Variants in THNSL1 observed in about 807,000 individuals in gnomAD.
THNSL1 encodes the protein threonine synthase-like 1.
Under a neutral mutation model 50.4 loss-of-function variants are expected in THNSL1, and 48 were observed. That is an observed-to-expected ratio of 0.95 (90% CI 0.76 to 1.21). The LOEUF is 1.21. Among genes scored for constraint, THNSL1 ranks in the 50% most tolerant of loss-of-function variants. THNSL1 has a pLI of 0.00. For missense variants in THNSL1, 896 were observed against 871.7 expected, an observed-to-expected ratio of 1.03 and a Z score of -0.35; for synonymous variants, 309 against 306.1, an observed-to-expected ratio of 1.01 and a Z score of -0.10.
In THNSL1 at chr10:25,025,259, TA is replaced by T; in HGVS notation, c.2039del (p.Lys680ArgfsTer30). 6.2e-7 allele frequency: 1 copy of T among 1,614,224 alleles called. No homozygotes were observed. Among genetic ancestry groups the T allele is most frequent in the Non-Finnish European group, 8.5e-7 (1 of 1,180,034 alleles). ...TTTGCACCTGCTATCATGCAGGCTT[TA>T]AAGATTAAAGAAATCAATGAGACTT... ...SKFAPAIMQA[L>X]KIKEINETSS... On this transcript the variant is annotated frameshift_variant, in exon 3 of 3. Transcript: ENST00000376356. LOFTEE classifies it high-confidence loss of function.
chr10:24,961,984 T>G, the THNSL1 span, among the ~76,000 whole-genome samples: 5 of 152,218 alleles, frequency 3.3e-5, no homozygotes, highest in Non-Finnish European at 5.9e-5. Context: ...AAATAATGTA[T>G]ACAGAGTGCT....
chr10:24,986,897 C>T, the THNSL1 span, among the ~76,000 whole-genome samples: 1 of 152,164 alleles, frequency 6.6e-6, no homozygotes, highest in Admixed American at 6.5e-5. Flanking sequence ...TAATTTTCCT[C>T]TCTTCTATTT....
At chr10:24,995,557 A>G in the THNSL1 span, 1 of 1,141,136 alleles carries the variant, frequency 8.8e-7, no homozygotes, top group Admixed American at 2.2e-5. Flanking sequence ...CAATGAGAGC[A>G]CTAATAATGA....
At chr10:24,993,096 C>G in the THNSL1 span, among the ~76,000 whole-genome samples, 2 of 152,050 alleles carry the variant, frequency 1.3e-5, no homozygotes, top group Admixed American at 6.6e-5. Flanking sequence ...AAGTTCAAGA[C>G]CAGCCTGGGC....
the THNSL1 span, among the ~76,000 whole-genome samples, chr10:24,986,628 T>A: frequency 6.6e-6 from 1 of 152,300 alleles, no homozygotes; most frequent in African/African-American, 2.4e-5. Context: ...TTGGGTGATG[T>A]TTCCATATTA....
the THNSL1 span, among the ~76,000 whole-genome samples, chr10:24,990,134 G>A: frequency 2.0e-5 from 3 of 151,762 alleles, no homozygotes; most frequent in Admixed American, 6.6e-5. Flanking sequence ...ACAAACTCAG[G>A]GGCATAAAAA....
At chr10:25,013,508 T>C (rs1235641534), upstream of THNSL1, among the ~76,000 whole-genome samples, 1 of 152,206 alleles carries the variant, frequency 6.6e-6, no homozygotes. Flanking sequence ...AAGCTTAGGC[T>C]GAATGGATGA....
chr10:24,987,808 C>A, the THNSL1 span, among the ~76,000 whole-genome samples: 1 of 152,098 alleles, frequency 6.6e-6, no homozygotes, highest in Non-Finnish European at 1.5e-5. Flanking sequence ...AAATGAAAAT[C>A]AAACTCTAAG....
chr10:25,016,108 C>G (rs1244558130), upstream of THNSL1: 1 of 1,283,266 alleles, frequency 7.8e-7, no homozygotes, highest in African/African-American at 1.5e-5. Context: ...AGTCCTCTCT[C>G]GGGAAGAAAA....
At chr10:24,958,242 T>A in the THNSL1 span, among the ~76,000 whole-genome samples, 1 of 152,072 alleles carries the variant, frequency 6.6e-6, no homozygotes, top group Non-Finnish European at 1.5e-5. Flanking sequence ...TCCATAAACA[T>A]CTGAAACTTA....
chr10:25,019,779 A>G (rs950871364), intron 1 of THNSL1, among the ~76,000 whole-genome samples: 1 of 152,222 alleles, frequency 6.6e-6, no homozygotes, highest in East Asian at 1.9e-4. Flanking sequence ...AAGAGTGTCA[A>G]GACCAAAAGC....
Position 25,023,237 on chromosome 10 carries a change from AC to A in THNSL1, c.16del (p.Arg6AspfsTer5). ...AGTGAAAAGAGAATGCTCCACTTTA[AC>A]CGATGTCATCATCTGAAAAAGATAA... is the stretch of plus-strand genomic sequence containing the variant. MLHF[N>X]RCHHLKKITQ... is the part of the protein sequence containing the mutation. On this transcript the variant is annotated frameshift_variant, in exon 3 of 3. Transcript: ENST00000376356. LOFTEE classifies it high-confidence loss of function. 6.2e-7 allele frequency: 1 copy of A among 1,611,532 alleles called. No individual in the cohort carries two copies. Among genetic ancestry groups the A allele is most frequent in the Non-Finnish European group, 8.5e-7 (1 of 1,178,310 alleles).
At chr10:25,016,033 T>C, upstream of THNSL1, 1 of 1,493,186 alleles carries the variant, frequency 6.7e-7, no homozygotes, top group South Asian at 1.4e-5. Context: ...CTTTCTTTCT[T>C]CTTCGCCTTC....
the THNSL1 span, among the ~76,000 whole-genome samples, chr10:24,962,136 T>G: frequency 6.6e-6 from 1 of 152,194 alleles, no homozygotes; most frequent in African/African-American, 2.4e-5. Context: ...CTACAATCTG[T>G]AAAAGCTTCA....
chr10:24,999,653 C>T, the THNSL1 span: 1,407 of 1,042,766 alleles, frequency 1.3e-3, 4 homozygotes, highest in Non-Finnish European at 1.8e-3. Context: ...AGTCTATATT[C>T]GTATGGAAAA....
upstream of THNSL1, among the ~76,000 whole-genome samples, chr10:25,015,665 C>T (rs1850550702): frequency 6.6e-6 from 1 of 152,118 alleles, no homozygotes; most frequent in Non-Finnish European, 1.5e-5. Context: ...GCCAGACTGC[C>T]CTCTCTGTAA....
upstream of THNSL1, among the ~76,000 whole-genome samples, chr10:25,012,731 T>C: frequency 6.6e-6 from 1 of 152,328 alleles, no homozygotes; most frequent in East Asian, 1.9e-4. Flanking sequence ...TATATGCTTG[T>C]AGGCAGAAGG....
chr10:25,020,766 A>G (rs1850704196), intron 1 of THNSL1, among the ~76,000 whole-genome samples: 2 of 151,928 alleles, frequency 1.3e-5, no homozygotes, highest in African/African-American at 4.8e-5. Context: ...ATTACTGCTC[A>G]TGAAAACCAT....
At chr10:25,018,274 A>G (rs894756179) in intron 1 of THNSL1, among the ~76,000 whole-genome samples, 1 of 152,194 alleles carries the variant, frequency 6.6e-6, no homozygotes, top group Non-Finnish European at 1.5e-5. Context: ...TGTTTAAGCA[A>G]AATTATTTCT....
Sources: allele counts gnomAD v4.1 joint callset (sites outside exome capture counted in the v4.1 genomes callset), GRCh38; gene constraint gnomAD v4.1.1; transcripts MANE v1.5; gene names NCBI Gene and HGNC (gene_info 2026-07-23, HGNC 2026-07-21).